GTF2H1: variants seen among roughly 807,000 people sequenced by gnomAD.
GTF2H1 encodes BTF2 p62.
Under a neutral mutation model 71.2 loss-of-function variants are expected in GTF2H1, and 16 were observed. That is an observed-to-expected ratio of 0.22 (90% CI 0.15 to 0.34). The LOEUF (loss-of-function observed/expected upper bound fraction) is 0.34. Among genes scored for constraint, GTF2H1 ranks in the 10% least tolerant of loss-of-function variants. The pLI, the probability that GTF2H1 is intolerant of heterozygous loss-of-function variation, is 1.00. For missense variants in GTF2H1, 498 were observed against 648.2 expected, an observed-to-expected ratio of 0.77 and a Z score of 2.52; for synonymous variants, 215 against 219.0, an observed-to-expected ratio of 0.98 and a Z score of 0.16.
intron 7 of GTF2H1, among the ~76,000 whole-genome samples, chr11:18,342,142 G>A (rs774261949): frequency 2.0e-5 from 3 of 151,806 alleles, no homozygotes; most frequent in East Asian, 3.9e-4. Flanking sequence ...TGTGATCAAG[G>A]ATAATTTTAT....
intron 7 of GTF2H1, among the ~76,000 whole-genome samples, chr11:18,342,207 C>CT (rs1254929160): frequency 1.3e-5 from 2 of 148,712 alleles, no homozygotes; most frequent in Non-Finnish European, 3.0e-5. Context: ...TCCCTTTACT[C>CT]TGAGTTTTCA....
At chr11:18,363,180 C>T (rs945566302) in intron 14 of GTF2H1, among the ~76,000 whole-genome samples, 10 of 152,042 alleles carry the variant, frequency 6.6e-5, no homozygotes, top group African/African-American at 2.4e-4. Flanking sequence ...TGGAATACCT[C>T]CTGAAGGACC....
rs568523256 is a variant in GTF2H1 at position 18,333,255 on chromosome 11, G to T, written c.154+27G>T. The stretch of plus-strand genomic sequence containing the variant: ...TAAGTCAGCTATACTAAGTTCTGAT[G>T]TATTTGTATGTCATAGTTGCTAGTA... On this transcript the variant is annotated intron_variant, in intron 2 of 14. Transcript: ENST00000265963. 1.3e-5 allele frequency: 20 copies of T among 1,501,598 alleles called. No homozygotes were observed. In the East Asian group the frequency reaches 4.4e-4, roughly 33 times the overall value. 93.0% of individuals were successfully genotyped at this position (1,501,598 alleles called of 1,614,324 possible). A position where few individuals can be genotyped will look rare whatever the true frequency, so the allele number is the denominator to read the frequency against.
rs1865149010 is a variant in GTF2H1, at chr11:18,341,243, G to C, written c.608-18G>C. 8 of 1,596,798 alleles carry C rather than the reference G, an allele frequency of 5.0e-6. No homozygotes were observed. Among genetic ancestry groups the C allele is most frequent in the Non-Finnish European group, 6.8e-6 (8 of 1,171,076 alleles). On this transcript the variant is annotated intron_variant, in intron 5 of 14. Coordinates refer to ENST00000265963, the MANE Select transcript of GTF2H1 (RefSeq NM_005316.4). ...AATGGAAATTCAGTATATAATATTT[G>C]TGGGTTTTTTTCCACAGTAAAAATG...
chr11:18,348,234 C>G (rs1020101772), intron 9 of GTF2H1: 2 of 409,526 alleles, frequency 4.9e-6, no homozygotes, highest in Non-Finnish European at 8.6e-6. Flanking sequence ...AATCTTCATT[C>G]AACAGAGGCA....
chr11:18,358,629 C>T lies in GTF2H1; in HGVS notation c.1456C>T (p.Leu486=). 6.3e-7 allele frequency: 1 copy of T among 1,596,100 alleles called. No homozygotes were observed. Among genetic ancestry groups the T allele is most frequent in the African/African-American group, 1.3e-5 (1 of 74,666 alleles). Residue 486 remains leucine, a synonymous_variant, in exon 13 of 15, where the codon CTA becomes TTA. Coordinates refer to ENST00000265963, the MANE Select transcript of GTF2H1 (RefSeq NM_005316.4). ...WSCFPVNTPF[L]EEKVVKMKSN... is the part of the protein sequence containing the mutation. ...CTGCTTTCCTGTTAATACGCCATTC[C>T]TAGAAGAAAAGGTTAGAACCAGTTC...
Position 18,366,094 on chromosome 11 carries a change from C to T in GTF2H1, c.*225C>T. 1 of 553,946 alleles carries T rather than the reference C, an allele frequency of 1.8e-6. No individual in the cohort carries two copies. The highest frequency in any genetic ancestry group is 3.2e-6 in the Non-Finnish European group (1 of 309,658). The allele number at this position is 553,946 out of a possible 1,614,324, so 34.3% of individuals were successfully genotyped here. A position where few individuals can be genotyped will look rare whatever the true frequency, so the allele number is the denominator to read the frequency against. ...GTAAATTAAGACAGAACCAAATGAG[C>T]TAAGTTGCAAATATATATATATACA... is the stretch of plus-strand genomic sequence containing the variant. On this transcript the variant is annotated 3_prime_UTR_variant, in exon 15 of 15. Transcript: ENST00000265963.
chr11:18,365,769 G>T lies in GTF2H1; in HGVS notation c.1561-14G>T. On this transcript the variant is annotated splice_polypyrimidine_tract_variant and intron_variant, in intron 14 of 14. Coordinates refer to ENST00000265963, the MANE Select transcript of GTF2H1 (RefSeq NM_005316.4). ...CTTTTGCCCAGTTGTTAAGTGTCTT[G>T]CTGTGTTTTTCAGTTGGTAAGTCAC... 1 of 1,589,558 alleles carries T rather than the reference G, an allele frequency of 6.3e-7. No individual in the cohort carries two copies. Among genetic ancestry groups the T allele is most frequent in the South Asian group, 1.1e-5 (1 of 90,574 alleles).
rs1186368353 is a variant in GTF2H1 at position 18,360,598 on chromosome 11, T to C, written c.1468-17T>C. Reference sequence around the variant, plus strand: ...CTTGAGATTTCTCTGTAATTTATTGTTTCTCATCTTTTTTAGGTAGTGAAA... The same window carrying C: ...CTTGAGATTTCTCTGTAATTTATTGCTTCTCATCTTTTTTAGGTAGTGAAA... On this transcript the variant is annotated splice_polypyrimidine_tract_variant and intron_variant, in intron 13 of 14. Transcript: ENST00000265963. 3.2e-6 allele frequency: 4 copies of C among 1,238,342 alleles called. No homozygotes were observed. The highest frequency in any genetic ancestry group is 4.6e-6 in the Non-Finnish European group (4 of 873,382). The allele number at this position is 1,238,342 out of a possible 1,614,324, so 76.7% of individuals were successfully genotyped here. A position where few individuals can be genotyped will look rare whatever the true frequency, so the allele number is the denominator to read the frequency against.
At chr11:18,354,401 CATTT>C (rs1346666020) in intron 11 of GTF2H1, among the ~76,000 whole-genome samples, 3 of 152,150 alleles carry the variant, frequency 2.0e-5, no homozygotes, top group Admixed American at 2.0e-4. Context: ...ATAAATACCC[CATTT>C]GTCACCAAAT....
At chr11:18,345,086 G>A (rs7939858) in intron 7 of GTF2H1, among the ~76,000 whole-genome samples, 5,008 of 151,774 alleles carry the variant, frequency 0.033, 269 homozygotes, top group African/African-American at 0.11. Flanking sequence ...AGCTACTCGG[G>A]AGGCTAAGGT....
chr11:18,335,699 G>A, intron 2 of GTF2H1, 55 bp from the exon 3 acceptor site: 1 of 1,278,232 alleles, frequency 7.8e-7, no homozygotes, highest in East Asian at 2.3e-5. Context: ...CTTACTGTAT[G>A]GTTATTCCCA....
intron 14 of GTF2H1, among the ~76,000 whole-genome samples, chr11:18,365,449 C>T (rs772985925): frequency 6.6e-6 from 1 of 152,132 alleles, no homozygotes; most frequent in Non-Finnish European, 1.5e-5. Context: ...GTATTCAAAT[C>T]TAGAAAATCA....
At chr11:18,347,534 T>A in intron 7 of GTF2H1, 54 bp from the exon 8 acceptor site, 1 of 1,368,488 alleles carries the variant, frequency 7.3e-7, no homozygotes, top group South Asian at 1.6e-5. Flanking sequence ...GCGTGTCTTA[T>A]AATAAGAAAA....
chr11:18,334,130 A>G (rs1340223664), intron 2 of GTF2H1, among the ~76,000 whole-genome samples: 1 of 152,218 alleles, frequency 6.6e-6, no homozygotes, highest in Non-Finnish European at 1.5e-5. Flanking sequence ...CTGTAATCCC[A>G]GCACTTTGGG....
At chr11:18,324,107 A>G (rs1023936857) in intron 1 of GTF2H1, 1 of 152,274 alleles carries the variant, frequency 6.6e-6, no homozygotes, top group Middle Eastern at 3.1e-3. Flanking sequence ...CTGGAGTGCA[A>G]TGGCGCGATC....
At chr11:18,332,498 G>T (rs978466635) in intron 1 of GTF2H1, among the ~76,000 whole-genome samples, 9 of 152,232 alleles carry the variant, frequency 5.9e-5, no homozygotes, top group African/African-American at 2.2e-4. Context: ...GTGGAGAGCA[G>T]TTGAAGACAT....
chr11:18,353,467 T>G (rs946410710), intron 11 of GTF2H1, among the ~76,000 whole-genome samples: 2 of 152,178 alleles, frequency 1.3e-5, no homozygotes, highest in Non-Finnish European at 2.9e-5. Context: ...TCCAGAATCT[T>G]TTGATCACAT....
intron 9 of GTF2H1, among the ~76,000 whole-genome samples, chr11:18,351,222 G>A (rs891023481): frequency 1.4e-5 from 2 of 143,532 alleles, no homozygotes; most frequent in Admixed American, 6.7e-5. Context: ...GGTGATATGC[G>A]CCTAGAAAAA....
Sources: allele counts gnomAD v4.1 joint callset (sites outside exome capture counted in the v4.1 genomes callset), GRCh38; gene constraint gnomAD v4.1.1; transcripts MANE v1.5; gene names NCBI Gene and HGNC (gene_info 2026-07-23, HGNC 2026-07-21).